The following SCN9A variants were observed in gnomAD, a reference collection of about 807,000 sequenced individuals.
SCN9A encodes the protein sodium channel protein type 9 subunit alpha.
SCN9A carries 131 observed loss-of-function variants against 187.0 expected under a neutral mutation model. That is an observed-to-expected ratio of 0.70 (90% confidence interval 0.61 to 0.81). SCN9A has a LOEUF of 0.81. Among genes scored for constraint, SCN9A ranks in the 30% least tolerant of loss-of-function variants. The probability of loss-of-function intolerance (pLI) is 0.00; values close to 1 mark genes in which losing one functional copy is unlikely to be tolerated. For synonymous variants in SCN9A, 809 were observed against 808.6 expected (o/e 1.00, Z -0.01); for missense variants, 2,252 against 2,396.6 (o/e 0.94, Z 1.26).
chr2:166,360,370 C>T (rs866002094), intron 1 of SCN9A, among the ~76,000 whole-genome samples: 3 of 151,904 alleles, frequency 2.0e-5, no homozygotes, highest in Non-Finnish European at 2.9e-5. Context: ...ATCTGTACAG[C>T]ATGTATAAAG....
chr2:166,345,338 T>C (rs1699874859), intron 1 of SCN9A, among the ~76,000 whole-genome samples: 1 of 152,138 alleles, frequency 6.6e-6, no homozygotes, highest in South Asian at 2.1e-4. Context: ...GCAGCTACCC[T>C]GTGCTACAAA....
chr2:166,264,430 C>T (rs1456046507), intron 17 of SCN9A, among the ~76,000 whole-genome samples: 2 of 151,900 alleles, frequency 1.3e-5, no homozygotes, highest in East Asian at 3.9e-4. Flanking sequence ...CTCATGGGTA[C>T]CTTTGAGATA....
At chr2:166,371,190 A>AT (rs1172329466) in intron 1 of SCN9A, among the ~76,000 whole-genome samples, 1 of 152,210 alleles carries the variant, frequency 6.6e-6, no homozygotes, top group Admixed American at 6.5e-5. Context: ...ACAACAACAT[A>AT]TTTTTTGCTT....
intron 17 of SCN9A, 117 bp from the exon 18 acceptor site, chr2:166,252,002 T>G: frequency 8.7e-7 from 1 of 1,150,624 alleles, no homozygotes; most frequent in Non-Finnish European, 1.2e-6. Flanking sequence ...AGATTAATAG[T>G]ATGATGGCCA....
intron 11 of SCN9A, 77 bp from the exon 12 acceptor site, chr2:166,284,901 C>T (rs1697670264): frequency 5.6e-6 from 8 of 1,436,322 alleles, no homozygotes; most frequent in Non-Finnish European, 6.4e-6. Context: ...TACCACTGAA[C>T]CCACTGGCCT....
At chr2:166,209,467 G>T (rs921293219) in intron 24 of SCN9A, among the ~76,000 whole-genome samples, 1 of 152,018 alleles carries the variant, frequency 6.6e-6, no homozygotes, top group Non-Finnish European at 1.5e-5. Context: ...GGATATCAAT[G>T]AAGGGAAAGA....
At chr2:166,310,594 A>T (rs71428915) in intron 2 of SCN9A, among the ~76,000 whole-genome samples, 29,378 of 72,192 alleles carry the variant, frequency 0.41, 5,955 homozygotes, top group African/African-American at 0.46. Context: ...TTAAAAAGTC[A>T]GGAAACAACA....
chr2:166,260,035 A>T (rs74770375), intron 17 of SCN9A, among the ~76,000 whole-genome samples: 9,917 of 151,968 alleles, frequency 0.065, 379 homozygotes, highest in Non-Finnish European at 0.089. Context: ...ATGCATTTTT[A>T]AAAGATTATT....
At chr2:166,267,935 T>G (rs1160588051) in intron 17 of SCN9A, among the ~76,000 whole-genome samples, 1 of 151,970 alleles carries the variant, frequency 6.6e-6, no homozygotes, top group Admixed American at 6.6e-5. Context: ...GGCAAACAAT[T>G]CAAAGGATAT....
intron 24 of SCN9A, among the ~76,000 whole-genome samples, chr2:166,214,503 CTTTTTTTTTTT>C (rs34494272): frequency 3.1e-5 from 2 of 64,264 alleles, no homozygotes; most frequent in Admixed American, 4.0e-4. Flanking sequence ...TACAATCTTT[CTTTTTTTTTTT>C]TTTTTTTTTT....
At chr2:166,308,851 G>A (rs1462923603) in intron 2 of SCN9A, among the ~76,000 whole-genome samples, 4 of 150,434 alleles carry the variant, frequency 2.7e-5, no homozygotes, top group East Asian at 2.0e-4. Context: ...GCGTGAACCC[G>A]GGAGGCGGAG....
chr2:166,280,334 A>C, intron 14 of SCN9A, 23 bp downstream of exon 14: 4 of 1,298,206 alleles, frequency 3.1e-6, no homozygotes, highest in Non-Finnish European at 4.4e-6. Context: ...CTATGAGTAC[A>C]TAACACACAA....
intron 2 of SCN9A, among the ~76,000 whole-genome samples, chr2:166,308,036 C>T (rs1041966712): frequency 2.6e-5 from 4 of 152,116 alleles, no homozygotes; most frequent in African/African-American, 4.8e-5. Flanking sequence ...TATTTGTATG[C>T]GGCAGCGTTC....
chr2:166,344,697 T>C (rs536163412), intron 1 of SCN9A, among the ~76,000 whole-genome samples: 2 of 152,288 alleles, frequency 1.3e-5, no homozygotes, highest in African/African-American at 4.8e-5. Flanking sequence ...TTAGTGATCC[T>C]TTTCATGTCT....
Position 166,196,426 on chromosome 2 carries a change from A to G in SCN9A, c.*2246T>C, listed in dbSNP as rs1273981200. 6.6e-6 allele frequency: 1 copy of G among 152,162 alleles called. No homozygotes were observed. Among genetic ancestry groups the G allele is most frequent in the East Asian group, 1.9e-4 (1 of 5,190 alleles). 9.4% of individuals were successfully genotyped at this position (152,162 alleles called of 1,614,324 possible). ...TTATATATATTTTTGAAATGCTAAGAAGAAATTGTGTTGTTAACAAACCAG... is the reference window on the plus strand; with the variant it reads ...TTATATATATTTTTGAAATGCTAAGGAGAAATTGTGTTGTTAACAAACCAG... On this transcript the variant is annotated 3_prime_UTR_variant, in exon 27 of 27. Coordinates refer to ENST00000642356, the MANE Select transcript of SCN9A (RefSeq NM_001365536.1).
In SCN9A at chr2:166,328,710, T is replaced by G. The variant is rs533083149; in HGVS notation, c.-50-16904A>C. 1.6e-3 allele frequency among the ~76,000 whole-genome samples: 241 copies of G among 152,202 alleles called. 1 individual carries two copies. The highest frequency in any genetic ancestry group is 5.7e-3 in the African/African-American group (236 of 41,558). On this transcript the variant is annotated intron_variant, in intron 1 of 26. Transcript: ENST00000642356. ...ATATTAGAATAGGCGCCTGTTTACA[T>G]GTAAGGAAAAATGGACTCTACAAAG...
Position 166,228,342 on chromosome 2 carries a change from C to T in SCN9A, c.4206+349G>A, listed in dbSNP as rs571735210. Among the ~76,000 whole-genome samples the T allele has an allele frequency of 1.1e-4, 16 of 150,026 alleles. No individual in the cohort carries two copies. In the East Asian group the frequency reaches 1.2e-3, roughly 11 times the overall value. ...CACGATCTTGGCCCACTGCAACCTCCGCCTCCCAGGTTCACGTGATTCTCC... is the reference window on the plus strand; with the variant it reads ...CACGATCTTGGCCCACTGCAACCTCTGCCTCCCAGGTTCACGTGATTCTCC... On this transcript the variant is annotated intron_variant, in intron 22 of 26. Coordinates refer to ENST00000642356, the MANE Select transcript of SCN9A (RefSeq NM_001365536.1).
chr2:166,311,014 G>A (rs1270674063), intron 2 of SCN9A, among the ~76,000 whole-genome samples: 20 of 102,852 alleles, frequency 1.9e-4, no homozygotes, highest in Non-Finnish European at 3.1e-4. Context: ...ACCAAACACC[G>A]CATATTCTCA....
intron 1 of SCN9A, among the ~76,000 whole-genome samples, chr2:166,360,246 A>AAAAAAAAAT (rs1700250236): frequency 6.7e-6 from 1 of 150,036 alleles, no homozygotes; most frequent in African/African-American, 2.5e-5. Flanking sequence ...GAAAAAAAAA[A>AAAAAAAAAT]AAAGAAATTA....
Sources: gnomAD v4.1 joint callset for allele counts (sites outside exome capture counted in the v4.1 genomes callset) on GRCh38, gnomAD v4.1.1 for gene constraint, MANE v1.5 for transcripts, NCBI Gene and HGNC (gene_info 2026-07-23, HGNC 2026-07-21) for gene names.